The following NHSL2 variants were observed in gnomAD, a reference collection of about 807,000 sequenced individuals.
NHSL2 encodes NHS-like protein 2.
Under a neutral mutation model 53.4 loss-of-function variants are expected in NHSL2, and 27 were observed. The observed-to-expected ratio is 0.51, with a 90% CI of 0.37 to 0.70. The LOEUF (loss-of-function observed/expected upper bound fraction) is 0.70, where lower values mean the gene tolerates loss of function less well. Ranked by LOEUF, NHSL2 falls within the 30% of genes least tolerant of loss-of-function variation. The pLI, the probability that NHSL2 is intolerant of heterozygous loss-of-function variation, is 0.00. For missense variants in NHSL2, 892 were observed against 980.1 expected, an observed-to-expected ratio of 0.91 and a Z score of 1.20; for synonymous variants, 408 against 404.1, an observed-to-expected ratio of 1.01 and a Z score of -0.12.
chrX:71,916,657 C>T (rs1159073057), intron 1 of NHSL2, among the ~76,000 whole-genome samples: 2 of 111,529 alleles, frequency 1.8e-5, no homozygotes, highest in Non-Finnish European at 3.8e-5. Flanking sequence ...GAACCAGGAC[C>T]CTAGTTCACA....
At chrX:71,955,098 C>T (rs1014307665) in intron 1 of NHSL2, among the ~76,000 whole-genome samples, 2 of 111,741 alleles carry the variant, frequency 1.8e-5, no homozygotes, top group African/African-American at 3.3e-5. Flanking sequence ...TTTCTGGCCT[C>T]CTTGTTCCTC....
chrX:71,943,503 A>G (rs760805454), intron 1 of NHSL2, among the ~76,000 whole-genome samples: 6 of 112,582 alleles, frequency 5.3e-5, no homozygotes, highest in Non-Finnish European at 9.4e-5. Flanking sequence ...GGACCCATCT[A>G]GGTCTTTACT....
chrX:71,916,025 A>G (rs1387244946), intron 1 of NHSL2, among the ~76,000 whole-genome samples: 1 of 111,872 alleles, frequency 8.9e-6, no homozygotes, highest in Non-Finnish European at 1.9e-5. Flanking sequence ...AAAGCAAAAC[A>G]TAGTCTTCTT....
chrX:72,053,659 A>G (rs2042353211), intron 1 of NHSL2, among the ~76,000 whole-genome samples: 2 of 110,911 alleles, frequency 1.8e-5, no homozygotes, highest in Non-Finnish European at 3.8e-5. Flanking sequence ...CAATTTTTGT[A>G]TGCTGTCTGA....
chrX:72,112,460 G>A (rs2042101080), intron 1 of NHSL2, among the ~76,000 whole-genome samples: 1 of 111,365 alleles, frequency 9.0e-6, no homozygotes, highest in Non-Finnish European at 1.9e-5. Flanking sequence ...TTTTTATTAT[G>A]CCAAAAAGGA....
chrX:72,136,844 T>C (rs963200968), intron 4 of NHSL2, among the ~76,000 whole-genome samples: 4 of 112,043 alleles, frequency 3.6e-5, no homozygotes, highest in African/African-American at 1.3e-4. Flanking sequence ...CCAGTTGAGT[T>C]TAATATGTAG....
At chrX:72,099,547 T>A (rs2041973970) in intron 1 of NHSL2, among the ~76,000 whole-genome samples, 1 of 109,256 alleles carries the variant, frequency 9.2e-6, no homozygotes, top group Non-Finnish European at 1.9e-5. Context: ...TTATTTGTAT[T>A]TTTAGTAGAG....
At chrX:72,034,225 C>T (rs1389457811) in intron 1 of NHSL2, among the ~76,000 whole-genome samples, 1 of 111,773 alleles carries the variant, frequency 8.9e-6, no homozygotes, top group Non-Finnish European at 1.9e-5. Context: ...ATTGATTTTT[C>T]AAATATTGGG....
At chrX:71,977,952 G>T (rs1166565796) in intron 1 of NHSL2, among the ~76,000 whole-genome samples, 3 of 111,064 alleles carry the variant, frequency 2.7e-5, no homozygotes, top group African/African-American at 9.8e-5. Context: ...ACTCTGGAGA[G>T]GGGTGGCCTG....
At chrX:72,026,551 G>A (rs994774629) in intron 1 of NHSL2, among the ~76,000 whole-genome samples, 9 of 112,635 alleles carry the variant, frequency 8.0e-5, no homozygotes, top group Non-Finnish European at 9.4e-5. Flanking sequence ...GAGCTATGGG[G>A]AAGGCACCAC....
rs966383897 is a variant in NHSL2 at position 72,152,119 on chromosome X, C to T, written c.*8545C>T. 10 of 113,018 alleles carry T rather than the reference C, an allele frequency of 8.8e-5. No individual in the cohort carries two copies. Among genetic ancestry groups the T allele is most frequent in the African/African-American group, 3.2e-4 (10 of 31,050 alleles). 9.3% of individuals were successfully genotyped at this position (113,018 alleles called of 1,213,427 possible). ...CACCACCTCCTCCTGTGTTTTGAAT[C>T]TCTAAATGAATTCTGTTCTAAAGCT... is the stretch of plus-strand genomic sequence containing the variant. On this transcript the variant is annotated 3_prime_UTR_variant, in exon 8 of 8. Transcript: ENST00000633930.
intron 1 of NHSL2, among the ~76,000 whole-genome samples, chrX:71,926,867 C>T (rs1444873998): frequency 9.0e-6 from 1 of 111,396 alleles, no homozygotes; most frequent in African/African-American, 3.3e-5. Context: ...ATTCTTGCAA[C>T]AAAATGTTTA....
At chrX:72,059,616 A>G (rs1049261948) in intron 1 of NHSL2, among the ~76,000 whole-genome samples, 1 of 111,631 alleles carries the variant, frequency 9.0e-6, no homozygotes, top group African/African-American at 3.3e-5. Flanking sequence ...TTCGAGTTCG[A>G]CATCACCTTT....
rs2042381120 is a variant in NHSL2 at position 72,138,673 on chromosome X, T to C, written c.1125T>C (p.Ser375=). 2.5e-6 allele frequency: 3 copies of C among 1,188,349 alleles called. No individual in the cohort carries two copies. The highest frequency in any genetic ancestry group is 2.3e-6 in the Non-Finnish European group (2 of 882,846). Residue 375 remains serine, a synonymous_variant, in exon 6 of 8, where the codon AGT becomes AGC. Transcript: ENST00000633930. ...TGGAGAGCATGGGAATGGTGTACAG[T>C]GTCCCCAGTTCTTGCAATGGACCTA... ...PGMESMGMVY[S]VPSSCNGPTE...
intron 1 of NHSL2, chrX:72,044,498 G>T: frequency 2.0e-6 from 1 of 511,335 alleles, no homozygotes; most frequent in South Asian, 2.9e-5. Flanking sequence ...GAACTCTAAT[G>T]ATTACATAAG....
At chrX:72,106,167 C>T (rs889837460) in intron 1 of NHSL2, among the ~76,000 whole-genome samples, 4 of 110,090 alleles carry the variant, frequency 3.6e-5, no homozygotes, top group Non-Finnish European at 5.7e-5. Flanking sequence ...GCCGAGATCG[C>T]GCCACTGCAC....
At chrX:72,092,335 T>C (rs1482564913) in intron 1 of NHSL2, among the ~76,000 whole-genome samples, 2 of 111,990 alleles carry the variant, frequency 1.8e-5, no homozygotes, top group East Asian at 5.6e-4. Context: ...TCCTGGGTTC[T>C]GGGCCACCTC....
chrX:72,126,840 G>A (rs1326353542), intron 1 of NHSL2, among the ~76,000 whole-genome samples: 3 of 112,335 alleles, frequency 2.7e-5, no homozygotes, highest in Non-Finnish European at 5.6e-5. Flanking sequence ...ATGCCCGTGC[G>A]TGCCTGTAGG....
intron 1 of NHSL2, among the ~76,000 whole-genome samples, chrX:71,923,376 G>T (rs1053133373): frequency 7.2e-5 from 8 of 111,839 alleles, no homozygotes; most frequent in Non-Finnish European, 1.3e-4. Flanking sequence ...CACCCTTTCT[G>T]GGCATAGTAA....
Sources: allele counts gnomAD v4.1 joint callset (sites outside exome capture counted in the v4.1 genomes callset), GRCh38; gene constraint gnomAD v4.1.1; transcripts MANE v1.5; gene names NCBI Gene and HGNC (gene_info 2026-07-23, HGNC 2026-07-21).